Variants in TAOK3 observed in about 807,000 individuals in gnomAD.
TAOK3 encodes the protein TAO kinase 3, also known as serine/threonine-protein kinase TAO3.
TAOK3 carries 40 observed loss-of-function variants against 120.4 expected under a neutral mutation model. The observed-to-expected ratio is 0.33, with a 90% CI of 0.26 to 0.43. The LOEUF is 0.43. Among genes scored for constraint, TAOK3 ranks in the 20% least tolerant of loss-of-function variants. The pLI is 1.00. For missense variants in TAOK3, 821 were observed against 1,112.1 expected (o/e 0.74, Z 3.72); for synonymous variants, 355 against 387.5 (o/e 0.92, Z 0.99).
intron 9 of TAOK3, among the ~76,000 whole-genome samples, chr12:118,221,085 G>A (rs1426941495): frequency 2.6e-5 from 4 of 152,216 alleles, no homozygotes; most frequent in African/African-American, 9.6e-5. Flanking sequence ...TATTGTCTAT[G>A]ACTGCTTTCA....
Position 118,356,299 on chromosome 12 carries a change from T to C in TAOK3, c.-194+16349A>G, listed in dbSNP as rs1473979284. Among the ~76,000 whole-genome samples, 9 of 144,712 alleles carry C rather than the reference T, an allele frequency of 6.2e-5. No homozygotes were observed. In the South Asian group the frequency reaches 1.1e-3, roughly 18 times the overall value. The allele number at this position is 144,712 out of a possible 152,430, so 94.9% of individuals were successfully genotyped here. ...TCTTCTCAATTTGGTCACTTTCTTT[T>C]TTTTTTTTTTTTTTTTTTGAGATGG... On this transcript the variant is annotated intron_variant, in intron 1 of 20. Transcript: ENST00000392533.
intron 15 of TAOK3, among the ~76,000 whole-genome samples, chr12:118,179,259 A>G (rs1466258318): frequency 6.6e-6 from 1 of 152,182 alleles, no homozygotes; most frequent in Non-Finnish European, 1.5e-5. Flanking sequence ...ACACCCTGGA[A>G]CTGTGTCCCC....
intron 5 of TAOK3, among the ~76,000 whole-genome samples, chr12:118,240,463 G>A (rs1356484598): frequency 6.6e-6 from 1 of 152,016 alleles, no homozygotes; most frequent in Non-Finnish European, 1.5e-5. Context: ...ACAGGTGTGA[G>A]CCACCGTGCC....
At chr12:118,303,703 A>G (rs1047696005) in intron 1 of TAOK3, among the ~76,000 whole-genome samples, 1 of 152,164 alleles carries the variant, frequency 6.6e-6, no homozygotes, top group Admixed American at 6.5e-5. Flanking sequence ...GCTGGAGTGC[A>G]ATGGCATGAT....
chr12:118,286,939 C>T (rs1219884226), intron 1 of TAOK3, among the ~76,000 whole-genome samples: 1 of 152,128 alleles, frequency 6.6e-6, no homozygotes, highest in African/African-American at 2.4e-5. Flanking sequence ...AGACTGGAGA[C>T]TGCTATTCTA....
chr12:118,152,260 T>A lies in TAOK3; in HGVS notation c.2502A>T (p.Arg834Ser), dbSNP rs1352903982. ...CAAGGTGTGCTCTGCGCAGAGACACTCTCTGCTCTAGCTTCTGGAGCTCAC... is the reference window on the plus strand; with the variant it reads ...CAAGGTGTGCTCTGCGCAGAGACACACTCTGCTCTAGCTTCTGGAGCTCAC... ...HERELQKLEQ[R>S]VSLRRAHLEQ... The change falls in exon 20 of 21, where the codon AGA (arginine) becomes AGT (serine). Residue 834 changes from arginine (R) to serine (S), a missense_variant. Around this residue, in one of 2 missense-constraint regions of TAOK3, gnomAD observed 354 missense variants for 572.1 expected, o/e 0.62. Transcript: ENST00000392533. The A allele has an allele frequency of 1.2e-6, 2 of 1,614,180 alleles. No individual in the cohort carries two copies. The highest frequency in any genetic ancestry group is 1.1e-5 in the South Asian group (1 of 91,084).
intron 1 of TAOK3, among the ~76,000 whole-genome samples, chr12:118,292,070 G>A (rs931801891): frequency 5.9e-5 from 9 of 152,156 alleles, no homozygotes; most frequent in African/African-American, 2.2e-4. Context: ...GCCTCCCAAA[G>A]TGCTGGGATT....
intron 15 of TAOK3, among the ~76,000 whole-genome samples, chr12:118,180,049 G>A (rs529224951): frequency 3.4e-5 from 5 of 148,718 alleles, no homozygotes; most frequent in African/African-American, 1.2e-4. Context: ...CCAGGTTCAA[G>A]CGATTCTCCT....
At chr12:118,340,233 T>C (rs966126308) in intron 1 of TAOK3, among the ~76,000 whole-genome samples, 1 of 152,202 alleles carries the variant, frequency 6.6e-6, no homozygotes, top group Non-Finnish European at 1.5e-5. Flanking sequence ...TTAACTATAA[T>C]GTAACAATAA....
At chr12:118,271,711 C>T (rs1373490280) in intron 1 of TAOK3, among the ~76,000 whole-genome samples, 3 of 152,154 alleles carry the variant, frequency 2.0e-5, no homozygotes, top group Admixed American at 6.6e-5. Flanking sequence ...CTGGGCCCTA[C>T]GGCTTCTTTA....
At chr12:118,283,721 T>C in intron 1 of TAOK3, 1 of 199,926 alleles carries the variant, frequency 5.0e-6, no homozygotes, top group Non-Finnish European at 1.1e-5. Flanking sequence ...AGAGCAAGAC[T>C]TCATCAACAA....
At chr12:118,167,988 A>G in intron 17 of TAOK3, among the ~76,000 whole-genome samples, 1 of 152,212 alleles carries the variant, frequency 6.6e-6, no homozygotes, top group East Asian at 1.9e-4. Flanking sequence ...TTCAGCCTTA[A>G]GTCAGCCAGA....
intron 15 of TAOK3, among the ~76,000 whole-genome samples, chr12:118,180,667 T>G (rs1328157601): frequency 3.3e-5 from 5 of 152,112 alleles, no homozygotes; most frequent in Admixed American, 1.3e-4. Context: ...TAGGCAGGGA[T>G]TATCACTACT....
At chr12:118,314,331 A>G (rs2043371776) in intron 1 of TAOK3, among the ~76,000 whole-genome samples, 2 of 152,216 alleles carry the variant, frequency 1.3e-5, no homozygotes, top group South Asian at 4.1e-4. Context: ...TTTGCATTTT[A>G]AAATATCTTT....
chr12:118,160,248 G>T lies in TAOK3; in HGVS notation c.2250C>A (p.His750Gln). The change falls in exon 19 of 21, where the codon CAC becomes CAA. Residue 750 changes from histidine (H) to glutamine (Q), a missense_variant. By Grantham distance (24) the His-to-Gln change is conservative. This residue lies in a region of TAOK3 where 354 missense variants were observed against 572.1 expected (regional missense o/e 0.62). Transcript: ENST00000392533. This position sits in a 1 kb window ranked among gnomAD's most constrained non-coding sequence, Gnocchi z 4.2. Reference protein sequence around the residue: ...HQLEVTPKNEHKTILKTLKDE... With the variant: ...HQLEVTPKNEQKTILKTLKDE... ...CTTTCAGTGTCTTTAAGATTGTTTT[G>T]TGCTCATTCTTTGGAGTAACTTCCA... 6.2e-7 allele frequency: 1 copy of T among 1,614,106 alleles called. No individual in the cohort carries two copies. Among genetic ancestry groups the T allele is most frequent in the Non-Finnish European group, 8.5e-7 (1 of 1,179,996 alleles).
In TAOK3 at chr12:118,335,635, A is replaced by T. The variant is rs2044337670; in HGVS notation, c.-194+37013T>A. 2.0e-5 allele frequency among the ~76,000 whole-genome samples: 3 copies of T among 152,142 alleles called. No homozygotes were observed. The South Asian group carries it at 6.2e-4, about 32-fold the overall frequency. On this transcript the variant is annotated intron_variant, in intron 1 of 20. Transcript: ENST00000392533. ...AACTTGAGGTCAGGAGTTCAAGACT[A>T]GTCTGGTCAACATGGTGAAACCCTG...
chr12:118,291,907 G>A (rs535384271), intron 1 of TAOK3, among the ~76,000 whole-genome samples: 34 of 152,138 alleles, frequency 2.2e-4, no homozygotes, highest in African/African-American at 6.3e-4. Flanking sequence ...CTCCACCTCC[G>A]GGTTCAAGCG....
At chr12:118,342,360 G>C (rs925342559) in intron 1 of TAOK3, among the ~76,000 whole-genome samples, 1 of 152,134 alleles carries the variant, frequency 6.6e-6, no homozygotes, top group African/African-American at 2.4e-5. Flanking sequence ...CCTTGACTTT[G>C]ATCCTTTCAT....
chr12:118,216,856 G>A (rs1198662427), intron 9 of TAOK3, among the ~76,000 whole-genome samples: 2 of 151,322 alleles, frequency 1.3e-5, no homozygotes, highest in East Asian at 3.9e-4. Context: ...GTGAACCCAG[G>A]AGGCGGAGCC....
Sources: allele counts gnomAD v4.1 joint callset (sites outside exome capture counted in the v4.1 genomes callset), GRCh38; gene constraint gnomAD v4.1.1; regional missense constraint gnomAD v4.1.1; non-coding constraint Gnocchi (gnomAD v3.1); transcripts MANE v1.5; gene names NCBI Gene and HGNC (gene_info 2026-07-23, HGNC 2026-07-21).